Variants in ARID4B observed in about 807,000 individuals in gnomAD.
ARID4B encodes the protein AT-rich interactive domain-containing protein 4B.
In ARID4B, 26 loss-of-function variants were observed where a neutral mutation model predicts 147.5. The ratio of observed to expected loss-of-function variants is 0.18; its 90% CI spans 0.13 to 0.24. The LOEUF is 0.24. Ranked by LOEUF, ARID4B falls within the 10% of genes least tolerant of loss-of-function variation. The pLI, the probability that ARID4B is intolerant of heterozygous loss-of-function variation, is 1.00. For synonymous variants in ARID4B, 512 were observed against 507.9 expected (o/e 1.01, Z -0.11); for missense variants, 1,179 against 1,511.5 (o/e 0.78, Z 3.65).
At chr1:235,326,730 G>A (rs1675297905) in intron 2 of ARID4B, 184 bp downstream of exon 2, 3 of 678,446 alleles carry the variant, frequency 4.4e-6, no homozygotes, top group South Asian at 1.7e-5. Flanking sequence ...TCCTATAACT[G>A]CCTCCAACTC....
At chr1:235,225,183 CT>C (rs1235400838) in intron 11 of ARID4B, among the ~76,000 whole-genome samples, 10 of 152,158 alleles carry the variant, frequency 6.6e-5, no homozygotes, top group South Asian at 2.1e-4. Flanking sequence ...AAAACTAATT[CT>C]ATTATTGCTC....
At chr1:235,171,105 T>C (rs528463546) in intron 23 of ARID4B, among the ~76,000 whole-genome samples, 5 of 152,250 alleles carry the variant, frequency 3.3e-5, no homozygotes, top group East Asian at 1.9e-4. Flanking sequence ...TGTTCCTGCA[T>C]TGGTTTTAGT....
intron 2 of ARID4B, among the ~76,000 whole-genome samples, chr1:235,308,405 C>G (rs377168851): frequency 6.6e-6 from 1 of 151,808 alleles, no homozygotes; most frequent in African/African-American, 2.4e-5. Flanking sequence ...CCGCTCCCAG[C>G]CTGATTTTTT....
intron 2 of ARID4B, among the ~76,000 whole-genome samples, chr1:235,308,555 A>G (rs1448979699): frequency 6.7e-6 from 1 of 149,086 alleles, no homozygotes; most frequent in Admixed American, 6.8e-5. Context: ...CTGCCATCTC[A>G]GCTCACTGCA....
intron 2 of ARID4B, among the ~76,000 whole-genome samples, chr1:235,261,375 C>G (rs982460792): frequency 2.6e-5 from 4 of 152,034 alleles, no homozygotes; most frequent in Non-Finnish European, 5.9e-5. Flanking sequence ...AAAATAAAAA[C>G]TGGCTGGCTA....
At chr1:235,223,353 T>TTATATATATATACACGTA (rs1242828850) in intron 12 of ARID4B, 93 bp from the exon 13 acceptor site, 13 of 256,856 alleles carry the variant, frequency 5.1e-5, no homozygotes, top group African/African-American at 2.5e-4. Context: ...TTATAGTATT[T>TTATATATATATACACGTA]TATATATATA....
rs1267973235 is a variant in ARID4B, at chr1:235,177,005, T to C, written c.3448+795A>G. On this transcript the variant is annotated intron_variant, in intron 21 of 23. Coordinates refer to ENST00000264183, the MANE Select transcript of ARID4B (RefSeq NM_016374.6). ...AGAAATACAGTATATATATTTTCTG[T>C]GGATTGATGCACGGAGTCGTTGCTA... 7 of 462,158 alleles carry C rather than the reference T, an allele frequency of 1.5e-5. No homozygotes were observed. In the East Asian group the frequency reaches 4.9e-4, roughly 32 times the overall value. 28.6% of individuals were successfully genotyped at this position (462,158 alleles called of 1,614,324 possible). A position where few individuals can be genotyped will look rare whatever the true frequency, so the allele number is the denominator to read the frequency against.
At chr1:235,261,968 G>C (rs890051939) in intron 2 of ARID4B, among the ~76,000 whole-genome samples, 3 of 152,166 alleles carry the variant, frequency 2.0e-5, no homozygotes, top group Non-Finnish European at 2.9e-5. Flanking sequence ...CTCAACTTTG[G>C]AGATTCATAA....
intron 21 of ARID4B, chr1:235,177,028 C>A: frequency 2.2e-6 from 1 of 446,590 alleles, no homozygotes; most frequent in Non-Finnish European, 4.7e-6. Context: ...GGAGTCGTTG[C>A]TAAAGTTGGA....
Position 235,213,819 on chromosome 1 carries a change from G to C in ARID4B, c.1791C>G (p.Val597=). 1 of 1,613,822 alleles carries C rather than the reference G, an allele frequency of 6.2e-7. No homozygotes were observed. The highest frequency in any genetic ancestry group is 8.5e-7 in the Non-Finnish European group (1 of 1,179,902). The change falls in exon 17 of 24, where the codon GTC becomes GTG. Residue 597 remains valine (V), a synonymous_variant. Coordinates refer to ENST00000264183, the MANE Select transcript of ARID4B (RefSeq NM_016374.6). ...CCAAGTAAAGGACCTCTCCACCTTC[G>C]ACATCAGAATCTTTAATACTAGCTT... ...MYEASIKDSD[V]EGGEVLYLVH... is the part of the protein sequence containing the mutation.
intron 2 of ARID4B, among the ~76,000 whole-genome samples, chr1:235,320,416 A>C (rs1674741606): frequency 6.6e-6 from 1 of 152,084 alleles, no homozygotes; most frequent in South Asian, 2.1e-4. Flanking sequence ...CCATCTTCAA[A>C]TATATTCCCA....
intron 2 of ARID4B, among the ~76,000 whole-genome samples, chr1:235,297,765 G>T (rs74420399): frequency 2.2e-4 from 33 of 152,150 alleles, no homozygotes; most frequent in African/African-American, 7.2e-4. Flanking sequence ...AAATTACAGG[G>T]GTTAAACCAA....
At chr1:235,301,679 A>G (rs952065066) in intron 2 of ARID4B, among the ~76,000 whole-genome samples, 1 of 150,314 alleles carries the variant, frequency 6.7e-6, no homozygotes, top group Non-Finnish European at 1.5e-5. Flanking sequence ...CTACCGGAGT[A>G]GCTGGGACCA....
chr1:235,298,929 C>T (rs1228474901), intron 2 of ARID4B, among the ~76,000 whole-genome samples: 2 of 114,238 alleles, frequency 1.8e-5, no homozygotes, highest in Non-Finnish European at 3.7e-5. Context: ...CTCAGCCCAG[C>T]ACAGTGGCAT....
chr1:235,277,709 G>A (rs1671431631), intron 2 of ARID4B, among the ~76,000 whole-genome samples: 1 of 150,998 alleles, frequency 6.6e-6, no homozygotes. Context: ...TTTTAATGGT[G>A]GCACTAAATG....
At chr1:235,304,144 T>C (rs1361332126) in intron 2 of ARID4B, among the ~76,000 whole-genome samples, 3 of 152,074 alleles carry the variant, frequency 2.0e-5, no homozygotes, top group Non-Finnish European at 4.4e-5. Context: ...ATATCTTGAG[T>C]CCAGGAGTTT....
intron 5 of ARID4B, among the ~76,000 whole-genome samples, chr1:235,254,341 G>A (rs1032584563): frequency 6.6e-6 from 1 of 151,922 alleles, no homozygotes; most frequent in Non-Finnish European, 1.5e-5. Flanking sequence ...GGTAAGAATT[G>A]TTACCTTTAA....
At chr1:235,173,887 T>G (rs1558166162) in intron 22 of ARID4B, among the ~76,000 whole-genome samples, 1 of 139,376 alleles carries the variant, frequency 7.2e-6, no homozygotes, top group Non-Finnish European at 1.5e-5. Flanking sequence ...TATACAAAAG[T>G]ATAGAGAGAA....
intron 2 of ARID4B, among the ~76,000 whole-genome samples, chr1:235,290,034 TAAA>T (rs35157276): frequency 7.0e-6 from 1 of 143,340 alleles, no homozygotes. Context: ...ACTCTATCTC[TAAA>T]AAAAAAAAAC....
Sources: gnomAD v4.1 joint callset for allele counts (sites outside exome capture counted in the v4.1 genomes callset) on GRCh38, gnomAD v4.1.1 for gene constraint, MANE v1.5 for transcripts, NCBI Gene and HGNC (gene_info 2026-07-23, HGNC 2026-07-21) for gene names.